SORCS2: variants seen among roughly 807,000 people sequenced by gnomAD.
SORCS2 encodes the protein sortilin related VPS10 domain containing receptor 2, also known as VPS10 domain-containing receptor SorCS2.
Under a neutral mutation model 141.6 loss-of-function variants are expected in SORCS2, and 100 were observed. That is an observed-to-expected ratio of 0.71 (90% CI 0.60 to 0.83). SORCS2 has a LOEUF of 0.83. SORCS2 is among the 40% of genes least tolerant of loss of function. The pLI, the probability that SORCS2 is intolerant of heterozygous loss-of-function variation, is 0.00. For synonymous variants in SORCS2, 789 were observed against 676.9 expected (o/e 1.17, Z -2.57); for missense variants, 1,646 against 1,560.2 (o/e 1.05, Z -0.93).
chr4:7,566,967 G>A (rs1020107505), intron 3 of SORCS2, among the ~76,000 whole-genome samples: 4 of 152,364 alleles, frequency 2.6e-5, no homozygotes, highest in Admixed American at 2.0e-4. Context: ...TGCAGAGGGG[G>A]CACATGAGTA....
intron 19 of SORCS2, among the ~76,000 whole-genome samples, chr4:7,724,146 T>TGATGATGGTGATAG (rs1560112970): frequency 3.9e-5 from 5 of 128,530 alleles, no homozygotes; most frequent in African/African-American, 1.5e-4. Context: ...GTGGTGATGG[T>TGATGATGGTGATAG]CGTGGTGGTG....
At chr4:7,205,382 AT>A (rs1727676958) in intron 1 of SORCS2, among the ~76,000 whole-genome samples, 1 of 152,240 alleles carries the variant, frequency 6.6e-6, no homozygotes, top group Non-Finnish European at 1.5e-5. Context: ...AAAACAAAGT[AT>A]AGATCCAGAG....
chr4:7,431,077 T>G (rs1726816691), intron 2 of SORCS2: 1 of 152,292 alleles, frequency 6.6e-6, no homozygotes, highest in Admixed American at 6.5e-5. Flanking sequence ...TGGTGGCGGA[T>G]GAGTGAGTGG....
At chr4:7,434,763 T>C in intron 2 of SORCS2, 3 of 1,612,886 alleles carry the variant, frequency 1.9e-6, no homozygotes, top group Non-Finnish European at 2.5e-6. Flanking sequence ...ACCTGGCAGC[T>C]GTCTGCAGAT....
intron 2 of SORCS2, among the ~76,000 whole-genome samples, chr4:7,511,420 A>C (rs1732635919): frequency 1.1e-5 from 1 of 87,584 alleles, no homozygotes; most frequent in Non-Finnish European, 2.2e-5. Flanking sequence ...GGGGAGGGAG[A>C]GAGGGGCGGG....
chr4:7,645,052 G>T (rs141922951), intron 4 of SORCS2, among the ~76,000 whole-genome samples: 1 of 152,234 alleles, frequency 6.6e-6, no homozygotes, highest in Non-Finnish European at 1.5e-5. Flanking sequence ...AAACGCAAGC[G>T]CATGAGGCAG....
intron 18 of SORCS2, among the ~76,000 whole-genome samples, chr4:7,721,767 A>C (rs1036018221): frequency 1.3e-5 from 2 of 152,140 alleles, no homozygotes; most frequent in African/African-American, 4.8e-5. Context: ...TTAACCTCCT[A>C]GTCGTGATAC....
chr4:7,646,470 A>G (rs1307821555), intron 4 of SORCS2, among the ~76,000 whole-genome samples: 1 of 152,172 alleles, frequency 6.6e-6, no homozygotes, highest in Non-Finnish European at 1.5e-5. Flanking sequence ...TGGTGTCCTT[A>G]TAAGAAGAGG....
chr4:7,724,255 G>A (rs982750640), intron 19 of SORCS2, among the ~76,000 whole-genome samples: 3 of 150,990 alleles, frequency 2.0e-5, no homozygotes, highest in Non-Finnish European at 2.9e-5. Context: ...TGACGTTGGT[G>A]TTGGTGATGG....
rs191752009 is a variant in SORCS2 at position 7,460,288 on chromosome 4, C to T, written c.548+63933C>T. On this transcript the variant is annotated intron_variant, in intron 2 of 26. Transcript: ENST00000507866. ...CCTAAGCCCCAGAGGACATGGTCCC[C>T]GATGCTGCCATCTTTCTGATGGGGC... Among the ~76,000 whole-genome samples, 292 of 152,348 alleles carry T rather than the reference C, an allele frequency of 1.9e-3. 1 individual carries two copies. Among genetic ancestry groups the T allele is most frequent in the Admixed American group, 3.6e-3 (55 of 15,310 alleles).
At chr4:7,446,381 A>G (rs55850500) in intron 2 of SORCS2, among the ~76,000 whole-genome samples, 74,093 of 152,094 alleles carry the variant, frequency 0.49, 20,395 homozygotes, top group Middle Eastern at 0.6. Flanking sequence ...GGCTACAGGT[A>G]GCTTCACTAG....
chr4:7,607,714 G>C (rs1038134741), intron 3 of SORCS2, among the ~76,000 whole-genome samples: 3 of 152,180 alleles, frequency 2.0e-5, no homozygotes, highest in Non-Finnish European at 4.4e-5. Flanking sequence ...CAGGAGTTCA[G>C]AGCAGATGGA....
chr4:7,433,846 G>C (rs1376221732), intron 2 of SORCS2: 6 of 1,613,774 alleles, frequency 3.7e-6, no homozygotes, highest in Non-Finnish European at 5.1e-6. Context: ...CACCAAGGAG[G>C]GGCTGTAGGT....
chr4:7,468,907 G>C (rs1729793604), intron 2 of SORCS2, among the ~76,000 whole-genome samples: 1 of 152,178 alleles, frequency 6.6e-6, no homozygotes, highest in Non-Finnish European at 1.5e-5. Context: ...CTCCACATCT[G>C]GTGGCCGTGT....
intron 1 of SORCS2, among the ~76,000 whole-genome samples, chr4:7,288,104 G>C (rs182041229): frequency 6.6e-6 from 1 of 152,164 alleles, no homozygotes; most frequent in South Asian, 2.1e-4. Context: ...CCGGGGTTTC[G>C]ATGCAGTGTT....
chr4:7,519,979 C>T (rs894842086), intron 2 of SORCS2, among the ~76,000 whole-genome samples: 2 of 152,210 alleles, frequency 1.3e-5, no homozygotes, highest in Non-Finnish European at 2.9e-5. Flanking sequence ...CCCAGGGCTC[C>T]TGCTCTGCCA....
At chr4:7,231,678 G>A (rs1160467384) in intron 1 of SORCS2, among the ~76,000 whole-genome samples, 2 of 152,228 alleles carry the variant, frequency 1.3e-5, no homozygotes, top group African/African-American at 2.4e-5. Context: ...CTGCACCAGG[G>A]GCCAGGCAGC....
At chr4:7,615,566 C>T (rs752868891) in intron 3 of SORCS2, among the ~76,000 whole-genome samples, 1 of 152,118 alleles carries the variant, frequency 6.6e-6, no homozygotes, top group Non-Finnish European at 1.5e-5. Flanking sequence ...CCCACCACCT[C>T]CACCTCCACT....
At chr4:7,364,763 G>A (rs1721780974) in intron 1 of SORCS2, among the ~76,000 whole-genome samples, 1 of 152,210 alleles carries the variant, frequency 6.6e-6, no homozygotes, top group African/African-American at 2.4e-5. Context: ...TTATCTCCAT[G>A]TCACAGAAGA....
Sources: gnomAD v4.1 joint callset for allele counts (sites outside exome capture counted in the v4.1 genomes callset) on GRCh38, gnomAD v4.1.1 for gene constraint, MANE v1.5 for transcripts, NCBI Gene and HGNC (gene_info 2026-07-23, HGNC 2026-07-21) for gene names.